PPEF2: variants seen among roughly 807,000 people sequenced by gnomAD.
The protein encoded by PPEF2 is serine/threonine-protein phosphatase with EF-hands 2.
A neutral mutation model predicts 84.7 loss-of-function variants in PPEF2; 84 were observed. That is an observed-to-expected ratio of 0.99 (90% CI 0.83 to 1.19). The LOEUF is 1.19. Among genes scored for constraint, PPEF2 ranks in the 50% most tolerant of loss-of-function variants. The pLI, the probability that PPEF2 is intolerant of heterozygous loss-of-function variation, is 0.00. For synonymous variants in PPEF2, 346 were observed against 345.2 expected, an observed-to-expected ratio of 1.00 and a Z score of -0.03; for missense variants, 924 against 937.5, an observed-to-expected ratio of 0.99 and a Z score of 0.19.
At position 75,883,070 on chromosome 4, in the gene PPEF2, G is replaced by A. The variant is rs139554399; in HGVS notation, c.789C>T (p.His263=). 1.2e-4 allele frequency: 194 copies of A among 1,613,734 alleles called. No homozygotes were observed. The African/African-American group carries it at 1.7e-3, about 14-fold the overall frequency. ...GCAGGGTTCTTAGTATTTCCTTCCC[G>A]TGTACCTGGAAAAAATGATATAAAC... The part of the protein sequence containing the change: ...TKEVMNKYKV[H]GKEILRTLQD... Residue 263 remains histidine (H), a synonymous_variant, in exon 10 of 17, where the codon CAC becomes CAT. Transcript: ENST00000286719.
At chr4:75,883,141 A>G in intron 9 of PPEF2, 25 bp downstream of exon 9, 1 of 1,613,824 alleles carries the variant, frequency 6.2e-7, no homozygotes, top group Non-Finnish European at 8.5e-7. Flanking sequence ...ACTGAGAGAA[A>G]CTTTTGTCTT....
intron 4 of PPEF2, among the ~76,000 whole-genome samples, chr4:75,890,827 G>A (rs1350523122): frequency 6.6e-6 from 1 of 152,204 alleles, no homozygotes; most frequent in Non-Finnish European, 1.5e-5. Flanking sequence ...GCCAGCATTG[G>A]CATCTCCAGA....
At chr4:75,892,044 G>A (rs548870325) in intron 2 of PPEF2, 66 bp from the exon 3 acceptor site, 127 of 1,586,576 alleles carry the variant, frequency 8.0e-5, no homozygotes, top group Non-Finnish European at 8.9e-5. Context: ...TTGGGGGTAG[G>A]GAGAGGAAGC....
At chr4:75,887,620 CAAAA>C (rs34334071) in intron 6 of PPEF2, among the ~76,000 whole-genome samples, 11 of 123,634 alleles carry the variant, frequency 8.9e-5, no homozygotes, top group Admixed American at 1.6e-4. Flanking sequence ...GACTGTGTCT[CAAAA>C]AAAAAAAAAA....
rs749904288 is a variant in PPEF2 at position 75,876,361 on chromosome 4, G to T, written c.1246C>A (p.Pro416Thr). Reference sequence around the variant, plus strand: ...TCTGCTTCTGAGGCTGAGCGGGAGGGCTCCTCTTTCTCTCCGGTCACCAGG... The same window carrying T: ...TCTGCTTCTGAGGCTGAGCGGGAGGTCTCCTCTTTCTCTCCGGTCACCAGG... ...GLLVTGEKEE[P>T]SRSASEADSE... Residue 416 changes from proline (P) to threonine (T), a missense_variant, in exon 11 of 17, where the codon CCC becomes ACC. Transcript: ENST00000286719. 1.2e-6 allele frequency: 2 copies of T among 1,614,072 alleles called. No individual in the cohort carries two copies. Among genetic ancestry groups the T allele is most frequent in the Non-Finnish European group, 1.7e-6 (2 of 1,180,032 alleles).
At chr4:75,883,817 C>CAAAAAAA (rs35897623) in intron 8 of PPEF2, among the ~76,000 whole-genome samples, 6 of 60,700 alleles carry the variant, frequency 9.9e-5, no homozygotes, top group Admixed American at 2.9e-4. Context: ...GACTCCGTCA[C>CAAAAAAA]AAAAAAAAAA....
Position 75,891,832 on chromosome 4 carries a change from G to A in PPEF2, c.183+19C>T, listed in dbSNP as rs750295987. The A allele has an allele frequency of 4.6e-5, 74 of 1,604,068 alleles. No individual in the cohort carries two copies. The South Asian group carries it at 4.7e-4, about 10-fold the overall frequency. On this transcript the variant is annotated intron_variant, in intron 3 of 16. Transcript: ENST00000286719. ...CCAAGGGAGAGCAGGAGGCGGCTCC[G>A]TCCCACATCTCATTGTACCTTGACT... is the stretch of plus-strand genomic sequence containing the variant.
rs1336103817 is a variant in PPEF2, at chr4:75,901,876, G to A, written c.-59+354C>T. On this transcript the variant is annotated intron_variant, in intron 1 of 16. Transcript: ENST00000286719. ...GCTACTCAGGAGGCTGAAGTGAGAAGACTGCTTGAGCCCAGGAGTTCGAGG... is the reference window on the plus strand; with the variant it reads ...GCTACTCAGGAGGCTGAAGTGAGAAAACTGCTTGAGCCCAGGAGTTCGAGG... 2.0e-5 allele frequency among the ~76,000 whole-genome samples: 3 copies of A among 152,170 alleles called. No individual in the cohort carries two copies. In the East Asian group the frequency reaches 5.8e-4, roughly 29 times the overall value.
At chr4:75,880,201 A>G (rs965976634) in intron 10 of PPEF2, among the ~76,000 whole-genome samples, 2 of 152,194 alleles carry the variant, frequency 1.3e-5, no homozygotes, top group African/African-American at 2.4e-5. Flanking sequence ...TAATAGTGTT[A>G]ATATGTATTG....
intron 15 of PPEF2, among the ~76,000 whole-genome samples, chr4:75,865,053 C>T (rs6817104): frequency 0.99 from 150,695 of 151,998 alleles, 74,716 homozygotes; most frequent in Middle Eastern, 1. Flanking sequence ...TCTCCTGTCT[C>T]GGCCTCCCAA....
At chr4:75,883,813 G>A (rs549826257) in intron 8 of PPEF2, among the ~76,000 whole-genome samples, 2 of 66,910 alleles carry the variant, frequency 3.0e-5, no homozygotes, top group African/African-American at 6.8e-5. Context: ...GCGAGACTCC[G>A]TCACAAAAAA....
chr4:75,893,688 C>T (rs1724943962), intron 2 of PPEF2, among the ~76,000 whole-genome samples: 1 of 152,200 alleles, frequency 6.6e-6, no homozygotes, highest in African/African-American at 2.4e-5. Flanking sequence ...ATAATTCATA[C>T]TTGTGCTAAA....
At chr4:75,899,377 A>G (rs1018127691) in intron 1 of PPEF2, among the ~76,000 whole-genome samples, 2 of 152,206 alleles carry the variant, frequency 1.3e-5, no homozygotes, top group African/African-American at 4.8e-5. Flanking sequence ...ATACACCCAA[A>G]GTGTAGTGGG....
chr4:75,894,400 A>G (rs968421503), intron 2 of PPEF2, among the ~76,000 whole-genome samples: 1 of 152,252 alleles, frequency 6.6e-6, no homozygotes, highest in Non-Finnish European at 1.5e-5. Flanking sequence ...ACTTCCAATA[A>G]GAAATGGCAT....
intron 11 of PPEF2, among the ~76,000 whole-genome samples, chr4:75,874,988 G>A (rs777116166): frequency 2.0e-5 from 3 of 148,586 alleles, no homozygotes; most frequent in Non-Finnish European, 4.4e-5. Context: ...TGCAAGCTCT[G>A]CCTCCTGGGT....
rs149631239 is a variant in PPEF2, at chr4:75,876,586, G to A, written c.1021C>T (p.Gln341Ter). ...GGGAGAAACCATGGGATGGGTCCCT[G>A]TGCAGAGCTCTTCTGGTTGGCTCTT... is the stretch of plus-strand genomic sequence containing the variant. The part of the protein sequence containing the change: ...KRRANQKSSA[Q>*]GPIPWFLPES... Residue 341 changes from glutamine to a stop codon, truncating the protein, a stop_gained, in exon 11 of 17, where the codon CAG (glutamine) becomes TAG (stop). Coordinates refer to ENST00000286719, the MANE Select transcript of PPEF2 (RefSeq NM_006239.3). LOFTEE classifies it high-confidence loss of function. The A allele has an allele frequency of 6.0e-4, 973 of 1,613,450 alleles. 1 individual carries two copies. Among genetic ancestry groups the A allele is most frequent in the Non-Finnish European group, 7.7e-4 (903 of 1,179,664 alleles).
Position 75,883,218 on chromosome 4 carries a change from C to CA in PPEF2, c.747-17dup. Reference sequence around the variant, plus strand: ...GAAGCCATATCTAGATTTAGAAGCACAAATAGATATTAGAGTAAACTGGGT... The same window carrying CA: ...GAAGCCATATCTAGATTTAGAAGCACAAAATAGATATTAGAGTAAACTGGGT... On this transcript the variant is annotated splice_polypyrimidine_tract_variant and intron_variant, in intron 8 of 16. Coordinates refer to ENST00000286719, the MANE Select transcript of PPEF2 (RefSeq NM_006239.3). 6.2e-7 allele frequency: 1 copy of CA among 1,608,590 alleles called. No homozygotes were observed. Among genetic ancestry groups the CA allele is most frequent in the Non-Finnish European group, 8.5e-7 (1 of 1,175,872 alleles).
chr4:75,895,215 G>A (rs536462896), intron 2 of PPEF2, among the ~76,000 whole-genome samples: 3 of 150,868 alleles, frequency 2.0e-5, no homozygotes, highest in African/African-American at 7.3e-5. Context: ...ATCACCTGAG[G>A]TCAGGAGTTC....
chr4:75,862,006 G>C (rs1047658217), intron 16 of PPEF2, among the ~76,000 whole-genome samples: 1 of 151,008 alleles, frequency 6.6e-6, no homozygotes, highest in Non-Finnish European at 1.5e-5. Flanking sequence ...AAAACTTTTG[G>C]GTATCAGGCT....
Sources: gnomAD v4.1 joint callset for allele counts (sites outside exome capture counted in the v4.1 genomes callset) on GRCh38, gnomAD v4.1.1 for gene constraint, MANE v1.5 for transcripts, NCBI Gene and HGNC (gene_info 2026-07-23, HGNC 2026-07-21) for gene names.